The following ZNF335 variants were observed in gnomAD, a reference collection of about 807,000 sequenced individuals.
The protein encoded by ZNF335 is NRC-interacting factor 1.
Under a neutral mutation model 145.6 loss-of-function variants are expected in ZNF335, and 84 were observed. That is an observed-to-expected ratio of 0.58 (90% confidence interval 0.48 to 0.69). The LOEUF (loss-of-function observed/expected upper bound fraction) is 0.69. Ranked by LOEUF, ZNF335 falls within the 30% of genes least tolerant of loss-of-function variation. The probability of loss-of-function intolerance (pLI) is 0.00; values close to 1 mark genes in which losing one functional copy is unlikely to be tolerated. For missense variants in ZNF335, 1,865 were observed against 1,809.7 expected, an observed-to-expected ratio of 1.03 and a Z score of -0.55; for synonymous variants, 761 against 717.0, an observed-to-expected ratio of 1.06 and a Z score of -0.98.
intron 17 of ZNF335, 146 bp from the exon 18 acceptor site, chr20:45,954,094 T>G (rs1307626428): frequency 1.9e-6 from 2 of 1,046,546 alleles, no homozygotes; most frequent in African/African-American, 3.2e-5. Flanking sequence ...TAGCCCAAGT[T>G]CTTTCTAAAA....
intron 2 of ZNF335, among the ~76,000 whole-genome samples, chr20:45,970,627 G>A (rs763676735): frequency 2.6e-5 from 4 of 152,178 alleles, no homozygotes; most frequent in Non-Finnish European, 2.9e-5. Flanking sequence ...GAGGATGTCT[G>A]GTGGGAGCTC....
In ZNF335 at chr20:45,949,510, A is replaced by G; in HGVS notation, c.3728T>C (p.Val1243Ala). 6.2e-7 allele frequency: 1 copy of G among 1,613,718 alleles called. No individual in the cohort carries two copies. The highest frequency in any genetic ancestry group is 8.5e-7 in the Non-Finnish European group (1 of 1,179,956). The part of the protein sequence containing the change: ...VQHLLPQEYV[V>A]VPEGHHIQVQ... ...CTGGATGTGATGGCCTTCAGGGACC[A>G]CAACATATTCCTGGGGGAGCAGGTG... is the stretch of plus-strand genomic sequence containing the variant. Residue 1243 changes from valine to alanine, a missense_variant, in exon 25 of 28, where the codon GTG becomes GCG. Val to Ala is a moderately conservative substitution (Grantham distance 64). Transcript: ENST00000322927.
At chr20:45,957,501 ACT>A in intron 17 of ZNF335, 83 bp downstream of exon 17, 12 of 1,323,418 alleles carry the variant, frequency 9.1e-6, no homozygotes, top group Non-Finnish European at 1.2e-5. Context: ...GCTCTGATAC[ACT>A]GTTTTCCTCT....
Position 45,959,369 on chromosome 20 carries a change from C to G in ZNF335, c.2085G>C (p.Leu695=), listed in dbSNP as rs918494260. 1.3e-6 allele frequency: 2 copies of G among 1,580,788 alleles called. No individual in the cohort carries two copies. Among genetic ancestry groups the G allele is most frequent in the Non-Finnish European group, 1.7e-6 (2 of 1,159,770 alleles). ...FSTRHKKNLR[L]HVRCRHASSF... ...TGCTTGCGTGTCGGCACCGTACGTGCAGGCGCAGGTTCTTCTTGTGCCGTG... is the reference window on the plus strand; with the variant it reads ...TGCTTGCGTGTCGGCACCGTACGTGGAGGCGCAGGTTCTTCTTGTGCCGTG... Residue 695 remains leucine, a synonymous_variant, in exon 15 of 28, where the codon CTG becomes CTC. Coordinates refer to ENST00000322927, the MANE Select transcript of ZNF335 (RefSeq NM_022095.4).
In ZNF335 at chr20:45,960,134, G is replaced by C. The variant is rs1202149559; in HGVS notation, c.2020+74C>G. 1.4e-5 allele frequency: 21 copies of C among 1,541,566 alleles called. 2 individuals carry two copies. In the South Asian group the frequency reaches 2.5e-4, roughly 18 times the overall value. On this transcript the variant is annotated intron_variant, in intron 14 of 27. Transcript: ENST00000322927. ...GCTACCGAGGGGGAAGGAAGAGGAT[G>C]GGAGCTAAGCCTCTGATCAGGGGTA... is the stretch of plus-strand genomic sequence containing the variant.
Position 45,952,525 on chromosome 20 carries a change from TAG to T in ZNF335, c.2815-6_2815-5del. 6.3e-7 allele frequency: 1 copy of T among 1,595,544 alleles called. No individual in the cohort carries two copies. The highest frequency in any genetic ancestry group is 8.6e-7 in the Non-Finnish European group (1 of 1,168,900). The stretch of plus-strand genomic sequence containing the variant: ...AGATGGAGCCATCTGCGGTGAGCTG[TAG>T]AGAGACAGGGAGCATGAGGTACTGA... On this transcript the variant is annotated splice_polypyrimidine_tract_variant and splice_region_variant and intron_variant, in intron 19 of 27. Transcript: ENST00000322927.
chr20:45,949,721 G>T, intron 24 of ZNF335, 79 bp downstream of exon 24: 4 of 1,555,252 alleles, frequency 2.6e-6, no homozygotes, highest in Non-Finnish European at 3.5e-6. Flanking sequence ...GGTTTGGAAA[G>T]TATCATTCCT....
intron 24 of ZNF335, 39 bp from the exon 25 acceptor site, chr20:45,949,607 G>T: frequency 1.3e-6 from 2 of 1,575,378 alleles, no homozygotes; most frequent in Non-Finnish European, 8.6e-7. Context: ...GGCAGGTGCT[G>T]AGGCCCCACT....
Position 45,949,887 on chromosome 20 carries a change from C to A in ZNF335, c.3592-10G>T, listed in dbSNP as rs756986224. 1 of 1,614,040 alleles carries A rather than the reference C, an allele frequency of 6.2e-7. No individual in the cohort carries two copies. The highest frequency in any genetic ancestry group is 8.5e-7 in the Non-Finnish European group (1 of 1,180,024). ...TGTAGGCGGCTTCCTCCTGCCAGGA[C>A]CAAGACAGCTCTAGCCTCATTTCTC... is the stretch of plus-strand genomic sequence containing the variant. On this transcript the variant is annotated splice_polypyrimidine_tract_variant and intron_variant, in intron 23 of 27. Coordinates refer to ENST00000322927, the MANE Select transcript of ZNF335 (RefSeq NM_022095.4).
At chr20:45,961,284 G>A (rs1240084598) in intron 10 of ZNF335, among the ~76,000 whole-genome samples, 6 of 152,068 alleles carry the variant, frequency 3.9e-5, no homozygotes, top group Non-Finnish European at 8.8e-5. Context: ...CCAGCTACTC[G>A]GAAGGCTGAA....
At position 45,963,729 on chromosome 20, in the gene ZNF335, T is replaced by C. The variant is rs779688266; in HGVS notation, c.1355+9A>G. 5.0e-6 allele frequency: 8 copies of C among 1,613,966 alleles called. No individual in the cohort carries two copies. Among genetic ancestry groups the C allele is most frequent in the African/African-American group, 1.3e-5 (1 of 74,920 alleles). On this transcript the variant is annotated intron_variant, in intron 8 of 27. Transcript: ENST00000322927. ...ATGCATGCCCCACCCTCACCTCTGC[T>C]CCACATACTTGCGGTATTTCTTGCC...
At position 45,952,285 on chromosome 20, in the gene ZNF335, C is replaced by A; in HGVS notation, c.3051G>T (p.Lys1017Asn). 2 of 1,613,608 alleles carry A rather than the reference C, an allele frequency of 1.2e-6. No homozygotes were observed. The highest frequency in any genetic ancestry group is 2.7e-5 in the African/African-American group (2 of 75,058). ...CGGCACAGATCTTGCAGGAAAACTT[C>A]TTTGATGCAGCAGTGGCTGCAGATG... ...SPPSAATAAS[K>N]KFSCKICAEA... The change falls in exon 20 of 28, where the codon AAG (lysine) becomes AAT (asparagine). Residue 1017 changes from lysine to asparagine, a missense_variant. Lys to Asn is a moderately conservative substitution (Grantham distance 94, BLOSUM62 0). Coordinates refer to ENST00000322927, the MANE Select transcript of ZNF335 (RefSeq NM_022095.4).
chr20:45,965,527 C>T, intron 7 of ZNF335, 101 bp downstream of exon 7: 4 of 1,412,788 alleles, frequency 2.8e-6, no homozygotes, highest in Non-Finnish European at 3.8e-6. Flanking sequence ...AGACAGCTGC[C>T]CTGCAGGGCA....
At chr20:45,963,687 G>A in intron 8 of ZNF335, 37 bp from the exon 9 acceptor site, 1 of 1,613,976 alleles carries the variant, frequency 6.2e-7, no homozygotes. Context: ...GTCTGGTGGG[G>A]TTGGTGGCTT....
intron 2 of ZNF335, chr20:45,969,912 A>C (rs183778001): frequency 4.0e-5 from 19 of 480,244 alleles, no homozygotes; most frequent in South Asian, 1.4e-4. Flanking sequence ...CAGGGAATAC[A>C]CAAAAATAAG....
chr20:45,949,612 C>T (rs2083590757), intron 24 of ZNF335, 44 bp from the exon 25 acceptor site: 2 of 1,564,912 alleles, frequency 1.3e-6, no homozygotes, highest in South Asian at 1.2e-5. Flanking sequence ...GTGCTGAGGC[C>T]CCACTCGCCA....
rs1371021288 is a variant in ZNF335 at position 45,952,323 on chromosome 20, G to A, written c.3013C>T (p.Pro1005Ser). 3.1e-6 allele frequency: 5 copies of A among 1,613,256 alleles called. No homozygotes were observed. The highest frequency in any genetic ancestry group is 2.2e-5 in the East Asian group (1 of 44,896). ...ATSKALGLAV[P>S]PSPPSAATAA... ...GTGGCTGCAGATGGCGGTGACGGGG[G>A]CACTGCCAGGCCCAGGGCTTTGCTG... Residue 1005 changes from proline (P) to serine (S), a missense_variant, in exon 20 of 28, where the codon CCC (proline) becomes TCC (serine). Physicochemically the swap from Pro to Ser is moderately conservative, Grantham distance 74 (BLOSUM62 -1). Transcript: ENST00000322927.
chr20:45,957,343 G>C (rs181931377), intron 17 of ZNF335, among the ~76,000 whole-genome samples: 1 of 152,338 alleles, frequency 6.6e-6, no homozygotes, highest in African/African-American at 2.4e-5. Flanking sequence ...AGTGTGTACT[G>C]CTCCACCTGG....
Position 45,949,377 on chromosome 20 carries a change from G to A in ZNF335, c.3775C>T (p.His1259Tyr), listed in dbSNP as rs770779104. ...HIQVQEGQIT[H>Y]IQYEQGAPFL... ...GGGGCTCCTTGTTCATACTGGATGT[G>A]TGTGATCTGGCCCTCCTGTACCTGC... The change falls in exon 26 of 28, where the codon CAC becomes TAC. Residue 1259 changes from histidine (H) to tyrosine (Y), a missense_variant. By Grantham distance (83) the His-to-Tyr change is moderately conservative. Transcript: ENST00000322927. 2.5e-6 allele frequency: 4 copies of A among 1,614,160 alleles called. No homozygotes were observed. Among genetic ancestry groups the A allele is most frequent in the Non-Finnish European group, 1.7e-6 (2 of 1,180,030 alleles).
Sources: gnomAD v4.1 joint callset for allele counts (sites outside exome capture counted in the v4.1 genomes callset) on GRCh38, gnomAD v4.1.1 for gene constraint, MANE v1.5 for transcripts, NCBI Gene and HGNC (gene_info 2026-07-23, HGNC 2026-07-21) for gene names.